The following GRIK4 variants were observed in gnomAD, a reference collection of about 807,000 sequenced individuals.
GRIK4 encodes the protein glutamate ionotropic receptor kainate type subunit 4.
A neutral mutation model predicts 104.9 loss-of-function variants in GRIK4; 40 were observed. That is an observed-to-expected ratio of 0.38 (90% CI 0.30 to 0.50). The LOEUF is 0.50. Among genes scored for constraint, GRIK4 ranks in the 20% least tolerant of loss-of-function variants. GRIK4 has a pLI of 0.93. For synonymous variants in GRIK4, 485 were observed against 524.9 expected (o/e 0.92, Z 1.04); for missense variants, 1,047 against 1,308.1 (o/e 0.80, Z 3.08).
At chr11:120,753,668 T>A (rs1339538318) in intron 3 of GRIK4, among the ~76,000 whole-genome samples, 1 of 152,160 alleles carries the variant, frequency 6.6e-6, no homozygotes, top group East Asian at 1.9e-4. Context: ...CAATCTTAGG[T>A]GCTGTGGGGG....
intron 4 of GRIK4, among the ~76,000 whole-genome samples, chr11:120,805,668 A>G (rs1385854241): frequency 1.3e-5 from 2 of 152,228 alleles, no homozygotes; most frequent in African/African-American, 4.8e-5. Flanking sequence ...ACCTGAAGCC[A>G]GAGTGCCCCT....
Position 120,967,648 on chromosome 11 carries a change from T to G in GRIK4, c.2395+325T>G, listed in dbSNP as rs1254232753. 1.3e-5 allele frequency among the ~76,000 whole-genome samples: 2 copies of G among 152,198 alleles called. No homozygotes were observed. The highest frequency in any genetic ancestry group is 4.8e-5 in the African/African-American group (2 of 41,446). ...ACCTGTGCAGTCACAGTCGCCTGGT[T>G]TCAGTTTCCCATTCTTGCGTCTCTA... On this transcript the variant is annotated intron_variant, in intron 19 of 20. Transcript: ENST00000527524. The surrounding 1 kb of genome is among the most constrained non-coding windows in gnomAD (Gnocchi z 4.2).
At chr11:120,846,436 T>C (rs765648449) in intron 8 of GRIK4, among the ~76,000 whole-genome samples, 3 of 152,114 alleles carry the variant, frequency 2.0e-5, no homozygotes, top group Non-Finnish European at 2.9e-5. Flanking sequence ...TAGTTCTTCT[T>C]TGGGAGTTTG....
rs901940864 is a variant in GRIK4, at chr11:120,878,770, C to T, written c.1164+3527C>T. ...CCCAGGTCCCATCCCAATCACCGCC[C>T]GATCTTTGCCTCTTGACAGGTGTCC... On this transcript the variant is annotated intron_variant, in intron 11 of 20. Coordinates refer to ENST00000527524, the MANE Select transcript of GRIK4 (RefSeq NM_014619.5). 4.9e-4 allele frequency among the ~76,000 whole-genome samples: 74 copies of T among 152,208 alleles called. 1 individual carries two copies. Among genetic ancestry groups the T allele is most frequent in the East Asian group, 1.7e-3 (9 of 5,168 alleles).
intron 1 of GRIK4, among the ~76,000 whole-genome samples, chr11:120,545,230 G>C (rs1198813256): frequency 6.6e-6 from 1 of 152,084 alleles, no homozygotes; most frequent in African/African-American, 2.4e-5. Flanking sequence ...ACCAGAAATG[G>C]AGCTCTTTCC....
At chr11:120,792,486 G>A (rs1952418296) in intron 3 of GRIK4, among the ~76,000 whole-genome samples, 1 of 152,044 alleles carries the variant, frequency 6.6e-6, no homozygotes, top group South Asian at 2.1e-4. Flanking sequence ...AGGTGGTGGT[G>A]GTTGTGCCAG....
intron 1 of GRIK4, among the ~76,000 whole-genome samples, chr11:120,516,489 C>T (rs1029376704): frequency 6.6e-5 from 10 of 151,986 alleles, no homozygotes; most frequent in African/African-American, 1.9e-4. Flanking sequence ...CGGATTGTCA[C>T]GGTAGACGGG....
Position 120,546,563 on chromosome 11 carries a change from G to A in GRIK4, c.-159+34676G>A, listed in dbSNP as rs747500604. ...GAAGGGGGATGCAGTCCGCATGGGA[G>A]TCCAGCACTGTGAGAGGGCTGCTCA... On this transcript the variant is annotated intron_variant, in intron 1 of 20. Coordinates refer to ENST00000527524, the MANE Select transcript of GRIK4 (RefSeq NM_014619.5). Among the ~76,000 whole-genome samples the A allele has an allele frequency of 7.0e-4, 106 of 152,314 alleles. 1 individual carries two copies. The highest frequency in any genetic ancestry group is 1.5e-3 in the African/African-American group (64 of 41,564).
rs780248114 is a variant in GRIK4 at position 120,956,345 on chromosome 11, G to GCA, written c.1701-429_1701-428dup. On this transcript the variant is annotated intron_variant, in intron 15 of 20. Transcript: ENST00000527524. This position sits in a 1 kb window ranked among gnomAD's most constrained non-coding sequence, Gnocchi z 4.6. ...TCCTCTTGAGTAGCTAGGATTACAG[G>GCA]CACACACCACCATACCTGGCTAATT... Among the ~76,000 whole-genome samples, 59 of 151,938 alleles carry GCA rather than the reference G, an allele frequency of 3.9e-4. No homozygotes were observed. Among genetic ancestry groups the GCA allele is most frequent in the Non-Finnish European group, 6.8e-4 (46 of 68,002 alleles).
At position 120,967,119 on chromosome 11, in the gene GRIK4, G is replaced by A. The variant is rs1402705450; in HGVS notation, c.2267-76G>A. 1.3e-6 allele frequency: 2 copies of A among 1,506,906 alleles called. No homozygotes were observed. The highest frequency in any genetic ancestry group is 1.8e-6 in the Non-Finnish European group (2 of 1,111,848). The allele number at this position is 1,506,906 out of a possible 1,614,324, so 93.3% of individuals were successfully genotyped here. On this transcript the variant is annotated intron_variant, in intron 18 of 20. Transcript: ENST00000527524. The surrounding 1 kb of genome is among the most constrained non-coding windows in gnomAD (Gnocchi z 4.2). ...AGCAGGCAGGGTGGCCAGGAGGTGTGCCGGGAAGGGGAGCAGAGTGACACC... is the reference window on the plus strand; with the variant it reads ...AGCAGGCAGGGTGGCCAGGAGGTGTACCGGGAAGGGGAGCAGAGTGACACC...
chr11:120,943,757 G>C (rs1337917923), intron 14 of GRIK4, among the ~76,000 whole-genome samples: 1 of 152,198 alleles, frequency 6.6e-6, no homozygotes, highest in Non-Finnish European at 1.5e-5. Flanking sequence ...TTACCAAAAA[G>C]TGAGCATCTG....
intron 1 of GRIK4, among the ~76,000 whole-genome samples, chr11:120,620,999 C>G (rs1949180564): frequency 6.6e-6 from 1 of 152,184 alleles, no homozygotes; most frequent in South Asian, 2.1e-4. Context: ...AATTCTAACC[C>G]AAGTCAGCCT....
intron 1 of GRIK4, among the ~76,000 whole-genome samples, chr11:120,526,203 T>G (rs1472432320): frequency 6.6e-6 from 1 of 152,098 alleles, no homozygotes; most frequent in Non-Finnish European, 1.5e-5. Flanking sequence ...TGTGCACTTC[T>G]CTTTCTTTTT....
At chr11:120,666,733 G>A (rs1949921598) in intron 3 of GRIK4, among the ~76,000 whole-genome samples, 2 of 152,216 alleles carry the variant, frequency 1.3e-5, no homozygotes, top group Admixed American at 1.3e-4. Context: ...ATTATGGGCT[G>A]ATGGTATCTA....
chr11:120,762,738 G>T (rs183832950), intron 3 of GRIK4, among the ~76,000 whole-genome samples: 7,538 of 152,166 alleles, frequency 0.05, 361 homozygotes, highest in African/African-American at 0.12. Flanking sequence ...GTTGGATTAC[G>T]TTTATTGATT....
intron 3 of GRIK4, among the ~76,000 whole-genome samples, chr11:120,693,514 C>T (rs994957073): frequency 3.3e-5 from 5 of 152,172 alleles, no homozygotes; most frequent in Non-Finnish European, 5.9e-5. Flanking sequence ...TCCATCCATC[C>T]GTCTATCAGT....
chr11:120,648,254 A>G (rs1000650189), intron 1 of GRIK4, among the ~76,000 whole-genome samples: 4 of 152,180 alleles, frequency 2.6e-5, no homozygotes, highest in Non-Finnish European at 4.4e-5. Context: ...TCTCTAGGCC[A>G]CTGGCAGAGG....
At chr11:120,592,671 C>T (rs1189503630) in intron 1 of GRIK4, among the ~76,000 whole-genome samples, 1 of 152,144 alleles carries the variant, frequency 6.6e-6, no homozygotes, top group African/African-American at 2.4e-5. Context: ...CGCAGCATCT[C>T]ACCTCAGCCT....
intron 3 of GRIK4, among the ~76,000 whole-genome samples, chr11:120,756,748 T>C (rs1424046072): frequency 6.6e-6 from 1 of 152,176 alleles, no homozygotes; most frequent in Non-Finnish European, 1.5e-5. Flanking sequence ...TTTTTATTAT[T>C]TAAGAGGCAG....
Sources: allele counts gnomAD v4.1 joint callset (sites outside exome capture counted in the v4.1 genomes callset), GRCh38; gene constraint gnomAD v4.1.1; non-coding constraint Gnocchi (gnomAD v3.1); transcripts MANE v1.5; gene names NCBI Gene and HGNC (gene_info 2026-07-23, HGNC 2026-07-21).